MYO10: variants seen among roughly 807,000 people sequenced by gnomAD.
The protein encoded by MYO10 is myosin X.
MYO10 carries 133 observed loss-of-function variants against 257.3 expected under a neutral mutation model. That is an observed-to-expected ratio of 0.52 (90% CI 0.45 to 0.60). The LOEUF is 0.60. MYO10 is among the 20% of genes least tolerant of loss of function. The pLI is 0.00. For missense variants in MYO10, 2,399 were observed against 2,635.7 expected (o/e 0.91, Z 1.97); for synonymous variants, 1,104 against 1,028.6 (o/e 1.07, Z -1.40).
At chr5:16,712,326 T>A (rs994868212) in intron 19 of MYO10, among the ~76,000 whole-genome samples, 7 of 152,238 alleles carry the variant, frequency 4.6e-5, no homozygotes, top group African/African-American at 1.4e-4. Flanking sequence ...GTTCTTTTAT[T>A]TGTTCAGCTG....
Position 16,733,842 on chromosome 5 carries a change from C to T in MYO10, c.1929+20986G>A, listed in dbSNP as rs148227489. The stretch of plus-strand genomic sequence containing the variant: ...TCCAGGCTGGACTCTGGGCAGGGGG[C>T]GCCACGAGTTGACGGCTCGGCATCG... On this transcript the variant is annotated intron_variant, in intron 19 of 40. Transcript: ENST00000513610. Among the ~76,000 whole-genome samples, 683 of 152,178 alleles carry T rather than the reference C, an allele frequency of 4.5e-3. 9 individuals carry two copies. The highest frequency in any genetic ancestry group is 0.016 in the African/African-American group (644 of 41,516).
In MYO10 at chr5:16,689,924, A is replaced by C. The variant is rs2303704; in HGVS notation, c.3801-5T>G. On this transcript the variant is annotated splice_polypyrimidine_tract_variant and splice_region_variant and intron_variant, in intron 27 of 40. Transcript: ENST00000513610. ...GTGGTGTTATCTATGATCTCTCTGC[A>C]AAGAAGCAAAAGCAACAAACGCACA... The C allele has an allele frequency of 0.019, 29,840 of 1,600,780 alleles. 944 individuals are homozygous for C. The highest frequency in any genetic ancestry group is 0.13 in the East Asian group (6,013 of 44,790).
At chr5:16,859,049 C>T (rs1323093453) in intron 2 of MYO10, among the ~76,000 whole-genome samples, 2 of 152,176 alleles carry the variant, frequency 1.3e-5, no homozygotes, top group African/African-American at 2.4e-5. Context: ...TACCCGCCTG[C>T]TCTTTATCCT....
intron 1 of MYO10, among the ~76,000 whole-genome samples, chr5:16,886,465 T>C (rs1371448201): frequency 6.6e-6 from 1 of 152,180 alleles, no homozygotes; most frequent in Non-Finnish European, 1.5e-5. Context: ...AATTCCGACA[T>C]AATTTCTTCT....
intron 4 of MYO10, among the ~76,000 whole-genome samples, chr5:16,784,558 G>A (rs1741517735): frequency 6.6e-6 from 1 of 152,174 alleles, no homozygotes; most frequent in Non-Finnish European, 1.5e-5. Context: ...CACCATGCTT[G>A]GTGTTGTGCA....
intron 3 of MYO10, chr5:16,815,490 A>G (rs754737915): frequency 1.4e-6 from 1 of 693,898 alleles, no homozygotes; most frequent in South Asian, 1.5e-5. Flanking sequence ...CCAATAAAAA[A>G]TTTTAAAATC....
intron 12 of MYO10, 51 bp from the exon 13 acceptor site, chr5:16,763,806 T>A: frequency 9.2e-7 from 1 of 1,086,572 alleles, no homozygotes; most frequent in African/African-American, 1.6e-5. Context: ...CACGATTATA[T>A]AGAAAGGTGA....
At chr5:16,681,182 A>AT in intron 32 of MYO10, 127 bp downstream of exon 32, 1 of 1,067,722 alleles carries the variant, frequency 9.4e-7, no homozygotes, top group Non-Finnish European at 1.3e-6. Flanking sequence ...CTTAGAAGAT[A>AT]AACCAAGAGG....
Position 16,662,320 on chromosome 5 carries a change from T to TTTTTTTTTTTTTC in MYO10, c.*4371_*4372insGAAAAAAAAAAAA, listed in dbSNP as rs1736014462. The TTTTTTTTTTTTTC allele has an allele frequency of 1.7e-5, 1 of 59,568 alleles. No individual in the cohort carries two copies. Among genetic ancestry groups the TTTTTTTTTTTTTC allele is most frequent in the Non-Finnish European group, 3.4e-5 (1 of 29,354 alleles). 3.7% of individuals were successfully genotyped at this position (59,568 alleles called of 1,614,324 possible). A position where few individuals can be genotyped will look rare whatever the true frequency, so the allele number is the denominator to read the frequency against. On this transcript the variant is annotated 3_prime_UTR_variant, in exon 41 of 41. Coordinates refer to ENST00000513610, the MANE Select transcript of MYO10 (RefSeq NM_012334.3). ...GCTGTCTTAGATTTCTGAACTATTT[T>TTTTTTTTTTTTTC]TTTTTTTTTTTTTTTTTTTTGGAGA...
intron 21 of MYO10, among the ~76,000 whole-genome samples, chr5:16,709,491 T>C (rs1005104053): frequency 7.2e-5 from 11 of 152,192 alleles, no homozygotes; most frequent in Non-Finnish European, 1.6e-4. Flanking sequence ...TGAGCTGCCA[T>C]GTGTCAAGGA....
intron 1 of MYO10, among the ~76,000 whole-genome samples, chr5:16,922,827 T>C (rs1746026533): frequency 6.6e-6 from 1 of 152,072 alleles, no homozygotes. Flanking sequence ...GCCCAGGAGT[T>C]CAAGACCAGC....
chr5:16,912,286 G>A (rs1745679486), intron 1 of MYO10, among the ~76,000 whole-genome samples: 1 of 152,100 alleles, frequency 6.6e-6, no homozygotes. Context: ...ACATTTCACA[G>A]AAATCTAGGT....
rs749577116 is a variant in MYO10, at chr5:16,762,069, A to G, written c.1632T>C (p.Phe544=). Residue 544 remains phenylalanine (F), a synonymous_variant, in exon 16 of 41, where the codon TTT becomes TTC. Coordinates refer to ENST00000513610, the MANE Select transcript of MYO10 (RefSeq NM_012334.3). ...YVKPRVAVNN[F]GVKHYAGEVQ... ...CCTCTCCAGCATAGTGCTTCACTCC[A>G]AAATTGTTAACTGCAACTCTGGGCT... 1.0e-5 allele frequency: 16 copies of G among 1,547,542 alleles called. No homozygotes were observed. The highest frequency in any genetic ancestry group is 1.4e-5 in the Non-Finnish European group (16 of 1,152,642).
At chr5:16,753,905 G>A (rs1035588007) in intron 19 of MYO10, among the ~76,000 whole-genome samples, 7 of 152,276 alleles carry the variant, frequency 4.6e-5, no homozygotes, top group Non-Finnish European at 4.4e-5. Flanking sequence ...AATAAACCAA[G>A]TCTCATGGGA....
intron 2 of MYO10, among the ~76,000 whole-genome samples, chr5:16,831,238 C>T (rs982156052): frequency 2.6e-5 from 4 of 152,094 alleles, no homozygotes; most frequent in African/African-American, 4.8e-5. Flanking sequence ...GTCATGGATG[C>T]GGTGAACAGG....
intron 2 of MYO10, among the ~76,000 whole-genome samples, chr5:16,836,725 A>T (rs1185182231): frequency 6.6e-6 from 1 of 152,224 alleles, no homozygotes; most frequent in African/African-American, 2.4e-5. Flanking sequence ...TTAAATATAT[A>T]TGAGTTAACT....
In MYO10 at chr5:16,870,382, C is replaced by T. The variant is rs777923036; in HGVS notation, c.120+7227G>A. 1.3e-5 allele frequency among the ~76,000 whole-genome samples: 2 copies of T among 151,326 alleles called. 1 individual carries two copies. The highest frequency in any genetic ancestry group is 4.9e-5 in the African/African-American group (2 of 40,778). On this transcript the variant is annotated intron_variant, in intron 2 of 40. Transcript: ENST00000513610. ...ATTTTTCAGGAACGTCTTCAAAATCCTTACTACTCCAATGTGGTTGGTCCA... is the reference window on the plus strand; with the variant it reads ...ATTTTTCAGGAACGTCTTCAAAATCTTTACTACTCCAATGTGGTTGGTCCA...
At chr5:16,679,527 T>G (rs1329451985) in intron 33 of MYO10, among the ~76,000 whole-genome samples, 14 of 78,408 alleles carry the variant, frequency 1.8e-4, no homozygotes, top group African/African-American at 3.9e-4. Context: ...TTTGGGTGTT[T>G]TTTTTTTTTT....
intron 1 of MYO10, among the ~76,000 whole-genome samples, chr5:16,898,534 T>A (rs1745276745): frequency 6.6e-6 from 1 of 151,276 alleles, no homozygotes; most frequent in South Asian, 2.1e-4. Flanking sequence ...TGCCTCAGCA[T>A]CCCGAATAGA....
Sources: gnomAD v4.1 joint callset for allele counts (sites outside exome capture counted in the v4.1 genomes callset) on GRCh38, gnomAD v4.1.1 for gene constraint, MANE v1.5 for transcripts, NCBI Gene and HGNC (gene_info 2026-07-23, HGNC 2026-07-21) for gene names.